FTO: variants seen among roughly 807,000 people sequenced by gnomAD.
The protein encoded by FTO is FTO alpha-ketoglutarate dependent dioxygenase.
In FTO, 47 loss-of-function variants were observed where a neutral mutation model predicts 63.9. The ratio of observed to expected loss-of-function variants is 0.74; its 90% CI spans 0.58 to 0.94. The LOEUF is 0.94. FTO is among the 40% of genes least tolerant of loss of function. The pLI, the probability that FTO is intolerant of heterozygous loss-of-function variation, is 0.00. For synonymous variants in FTO, 207 were observed against 224.4 expected (o/e 0.92, Z 0.69); for missense variants, 562 against 618.1 (o/e 0.91, Z 0.96).
At chr16:54,030,543 C>G (rs533525216) in intron 8 of FTO, among the ~76,000 whole-genome samples, 1 of 152,162 alleles carries the variant, frequency 6.6e-6, no homozygotes, top group African/African-American at 2.4e-5. Context: ...GGATATCTAG[C>G]AAAACTTAGT....
At chr16:54,075,340 T>C (rs1303176638) in intron 8 of FTO, among the ~76,000 whole-genome samples, 2 of 152,174 alleles carry the variant, frequency 1.3e-5, no homozygotes, top group Non-Finnish European at 2.9e-5. Context: ...AAAAAAGATA[T>C]ATGAAAAAGA....
intron 8 of FTO, among the ~76,000 whole-genome samples, chr16:54,105,829 TATTCTG>T (rs1346743961): frequency 6.6e-6 from 1 of 151,372 alleles, no homozygotes; most frequent in African/African-American, 2.4e-5. Context: ...TACATTTGCT[TATTCTG>T]ATGAATCTTT....
At chr16:53,814,091 T>A (rs2078606026) in intron 2 of FTO, among the ~76,000 whole-genome samples, 2 of 152,186 alleles carry the variant, frequency 1.3e-5, no homozygotes, top group African/African-American at 2.4e-5. Context: ...CTCTTTCTGC[T>A]GTATTGTCCA....
intron 8 of FTO, among the ~76,000 whole-genome samples, chr16:54,084,855 G>A (rs912358365): frequency 6.6e-6 from 1 of 152,204 alleles, no homozygotes; most frequent in Non-Finnish European, 1.5e-5. Context: ...GACTGGGTCT[G>A]TGCCATTTGC....
At chr16:53,704,875 A>T (rs1971925999) in intron 1 of FTO, among the ~76,000 whole-genome samples, 1 of 152,240 alleles carries the variant, frequency 6.6e-6, no homozygotes, top group Non-Finnish European at 1.5e-5. Flanking sequence ...ATTGCAAGAT[A>T]GATATTATAC....
intron 3 of FTO, among the ~76,000 whole-genome samples, chr16:53,833,518 A>G (rs111474904): frequency 6.6e-6 from 1 of 152,182 alleles, no homozygotes; most frequent in African/African-American, 2.4e-5. Flanking sequence ...TCTGTATACA[A>G]ATATCTGTGG....
intron 8 of FTO, among the ~76,000 whole-genome samples, chr16:54,100,553 CTA>C (rs2086618039): frequency 2.0e-5 from 3 of 152,256 alleles, no homozygotes; most frequent in African/African-American, 7.2e-5. Flanking sequence ...TGGGGTTTCA[CTA>C]TGTTGCCCAG....
chr16:54,024,306 C>T (rs1294106219), intron 8 of FTO, among the ~76,000 whole-genome samples: 1 of 152,174 alleles, frequency 6.6e-6, no homozygotes, highest in Non-Finnish European at 1.5e-5. Context: ...TCACTGCAAC[C>T]TCTGCCTCCC....
At chr16:53,768,263 T>G (rs1240927869) in intron 1 of FTO, among the ~76,000 whole-genome samples, 3 of 152,356 alleles carry the variant, frequency 2.0e-5, no homozygotes, top group Admixed American at 6.5e-5. Flanking sequence ...GCCATATGAA[T>G]TTTGACCATT....
chr16:53,924,011 ATAAG>A (rs1157542516), intron 7 of FTO, among the ~76,000 whole-genome samples: 1 of 152,158 alleles, frequency 6.6e-6, no homozygotes, highest in African/African-American at 2.4e-5. Context: ...AAAAACAAAA[ATAAG>A]TAGTCATTCA....
chr16:53,834,969 T>C (rs1447643163), intron 3 of FTO, among the ~76,000 whole-genome samples: 1 of 152,210 alleles, frequency 6.6e-6, no homozygotes, highest in East Asian at 1.9e-4. Context: ...TTTATAGTTA[T>C]CATATATATA....
chr16:53,941,683 C>A (rs1032821116), intron 8 of FTO, among the ~76,000 whole-genome samples: 4 of 152,118 alleles, frequency 2.6e-5, no homozygotes, highest in African/African-American at 9.7e-5. Flanking sequence ...CCCATCTCTG[C>A]AAAAAGTGCA....
intron 8 of FTO, among the ~76,000 whole-genome samples, chr16:53,970,317 C>T (rs116290784): frequency 0.014 from 2,116 of 152,116 alleles, 16 homozygotes; most frequent in Admixed American, 0.021. Context: ...GGGCTGGGCG[C>T]GGTAGCTCAA....
intron 1 of FTO, among the ~76,000 whole-genome samples, chr16:53,716,101 G>GT (rs887655037): frequency 6.6e-6 from 1 of 151,872 alleles, no homozygotes; most frequent in African/African-American, 2.4e-5. Flanking sequence ...AGCCTCATTG[G>GT]TTTTTTTTGC....
chr16:53,898,120 C>A (rs1460750762), intron 7 of FTO, among the ~76,000 whole-genome samples: 1 of 152,144 alleles, frequency 6.6e-6, no homozygotes, highest in Non-Finnish European at 1.5e-5. Flanking sequence ...CTGTTTCAAA[C>A]CTACTATCAT....
At chr16:53,832,051 G>T (rs1055354681) in intron 3 of FTO, among the ~76,000 whole-genome samples, 20 of 152,172 alleles carry the variant, frequency 1.3e-4, no homozygotes, top group African/African-American at 4.6e-4. Context: ...CTAGGGATAT[G>T]ATGGTCCAGA....
intron 1 of FTO, among the ~76,000 whole-genome samples, chr16:53,710,851 A>G (rs2075754209): frequency 6.6e-6 from 1 of 151,890 alleles, no homozygotes. Context: ...TGTGCTTTCC[A>G]TTTTGCTGTC....
rs2086978658 is a variant in FTO, at chr16:54,116,957, A to C, written c.*5042A>C. ...TGCTCCCAGGACAGTCCTAATTCCC[A>C]CCTCTCAGAACCTTGTCAGCCAAGT... On this transcript the variant is annotated 3_prime_UTR_variant, in exon 9 of 9. Transcript: ENST00000471389. 1.3e-5 allele frequency: 2 copies of C among 151,784 alleles called. No homozygotes were observed. Among genetic ancestry groups the C allele is most frequent in the Admixed American group, 1.3e-4 (2 of 15,240 alleles). 9.4% of individuals were successfully genotyped at this position (151,784 alleles called of 1,614,324 possible).
At chr16:54,103,912 G>A (rs1316652545) in intron 8 of FTO, among the ~76,000 whole-genome samples, 1 of 152,160 alleles carries the variant, frequency 6.6e-6, no homozygotes, top group African/African-American at 2.4e-5. Context: ...CAGTGCAATG[G>A]AGTGTCCTCT....
Sources: gnomAD v4.1 joint callset for allele counts (sites outside exome capture counted in the v4.1 genomes callset) on GRCh38, gnomAD v4.1.1 for gene constraint, MANE v1.5 for transcripts, NCBI Gene and HGNC (gene_info 2026-07-23, HGNC 2026-07-21) for gene names.